The following CSTPP1 variants were observed in gnomAD, a reference collection of about 807,000 sequenced individuals.
The protein encoded by CSTPP1 is UPF0705 protein C11orf49.
chr11:47,131,340 A>G, the CSTPP1 span, among the ~76,000 whole-genome samples: 1 of 152,208 alleles, frequency 6.6e-6, no homozygotes, highest in Non-Finnish European at 1.5e-5. Flanking sequence ...GGTGGTCTGC[A>G]AGGAGGATGT....
At chr11:47,038,588 C>G in the CSTPP1 span, among the ~76,000 whole-genome samples, 6 of 106,604 alleles carry the variant, frequency 5.6e-5, no homozygotes, top group South Asian at 3.3e-4. Context: ...GGGGCTGATC[C>G]CCCCACCTCC....
the CSTPP1 span, among the ~76,000 whole-genome samples, chr11:46,966,045 T>G: frequency 6.6e-6 from 1 of 152,176 alleles, no homozygotes; most frequent in Non-Finnish European, 1.5e-5. Flanking sequence ...AAAAGTCTTT[T>G]TTTTGTTTGT....
At chr11:47,161,095 G>A in the CSTPP1 span, 1 of 1,613,876 alleles carries the variant, frequency 6.2e-7, no homozygotes, top group South Asian at 1.1e-5. Flanking sequence ...AGGGCCCTCA[G>A]ATTAACTACT....
chr11:47,141,579 C>T, the CSTPP1 span, among the ~76,000 whole-genome samples: 1 of 151,040 alleles, frequency 6.6e-6, no homozygotes, highest in Non-Finnish European at 1.5e-5. Flanking sequence ...TGCACTCCAG[C>T]CTGGGCAACT....
chr11:47,032,624 G>C, the CSTPP1 span, among the ~76,000 whole-genome samples: 1 of 151,756 alleles, frequency 6.6e-6, no homozygotes, highest in Non-Finnish European at 1.5e-5. Flanking sequence ...TTTTAATTTT[G>C]ATGTTTCTGG....
the CSTPP1 span, among the ~76,000 whole-genome samples, chr11:47,019,453 A>C: frequency 1.3e-5 from 2 of 152,166 alleles, no homozygotes; most frequent in Non-Finnish European, 2.9e-5. Flanking sequence ...TCTAGCTTTT[A>C]ATTTAAAGTA....
chr11:47,131,559 G>A, the CSTPP1 span, among the ~76,000 whole-genome samples: 1 of 152,218 alleles, frequency 6.6e-6, no homozygotes, highest in Admixed American at 6.5e-5. Flanking sequence ...ATAACCAACA[G>A]AAGAATATTT....
At chr11:47,015,824 A>G in the CSTPP1 span, among the ~76,000 whole-genome samples, 6 of 152,332 alleles carry the variant, frequency 3.9e-5, no homozygotes, top group African/African-American at 1.4e-4. Context: ...TTTCACATTT[A>G]AAAATCAATG....
the CSTPP1 span, chr11:47,155,016 T>A: frequency 3.0e-6 from 2 of 659,760 alleles, no homozygotes; most frequent in South Asian, 3.5e-5. Context: ...TTGGGAGCCC[T>A]CTCCTAAATG....
chr11:47,120,300 G>A, the CSTPP1 span, among the ~76,000 whole-genome samples: 223 of 152,276 alleles, frequency 1.5e-3, 2 homozygotes, highest in Non-Finnish European at 7.9e-4. This position sits in a 1 kb window ranked among gnomAD's most constrained non-coding sequence, Gnocchi z 4.2. Flanking sequence ...CCCTTGATAT[G>A]TATAAGCAAG....
At chr11:47,163,916 G>A in the CSTPP1 span, among the ~76,000 whole-genome samples, 1 of 152,142 alleles carries the variant, frequency 6.6e-6, no homozygotes, top group Admixed American at 6.6e-5. Flanking sequence ...AAAGTGCTGG[G>A]ATGACAGCCA....
At chr11:47,077,196 G>GTTTTTTTTTTTTTTTTTTTT in the CSTPP1 span, among the ~76,000 whole-genome samples, 2 of 135,522 alleles carry the variant, frequency 1.5e-5, no homozygotes, top group Non-Finnish European at 3.3e-5. Context: ...GGATAAAGTT[G>GTTTTTTTTTTTTTTTTTTTT]TTTTTTTTTT....
chr11:46,948,762 A>G, the CSTPP1 span, among the ~76,000 whole-genome samples: 1 of 152,212 alleles, frequency 6.6e-6, no homozygotes, highest in Non-Finnish European at 1.5e-5. Context: ...AAGTAGTCCA[A>G]TTTAGAGAAA....
At chr11:46,939,227 A>AT in the CSTPP1 span, among the ~76,000 whole-genome samples, 2 of 150,340 alleles carry the variant, frequency 1.3e-5, no homozygotes, top group African/African-American at 4.9e-5. Flanking sequence ...AGTACCTGGG[A>AT]TTACAGGCAT....
At chr11:47,077,908 G>A in the CSTPP1 span, among the ~76,000 whole-genome samples, 137 of 152,154 alleles carry the variant, frequency 9.0e-4, no homozygotes, top group African/African-American at 2.8e-3. Context: ...CCCACAAACC[G>A]AGAAAGAAAT....
chr11:47,110,071 C>T, the CSTPP1 span, among the ~76,000 whole-genome samples: 1 of 152,222 alleles, frequency 6.6e-6, no homozygotes, highest in East Asian at 1.9e-4. Context: ...GTCCCACCCT[C>T]AGTCACTGTG....
chr11:46,998,570 T>C, the CSTPP1 span, among the ~76,000 whole-genome samples: 2 of 151,880 alleles, frequency 1.3e-5, no homozygotes, highest in South Asian at 2.1e-4. Flanking sequence ...TGGGTTTTCT[T>C]TTTTTTTGAA....
the CSTPP1 span, among the ~76,000 whole-genome samples, chr11:47,080,801 G>A: frequency 6.6e-6 from 1 of 152,040 alleles, no homozygotes; most frequent in Admixed American, 6.6e-5. Flanking sequence ...TTGAGCCTAG[G>A]AGTTCGAGAC....
At chr11:46,959,990 C>T in the CSTPP1 span, among the ~76,000 whole-genome samples, 1 of 151,858 alleles carries the variant, frequency 6.6e-6, no homozygotes, top group Admixed American at 6.6e-5. Flanking sequence ...CCTTAGCTTC[C>T]CGAGTAGCTG....
Sources: allele counts gnomAD v4.1 joint callset (sites outside exome capture counted in the v4.1 genomes callset), GRCh38; gene constraint gnomAD v4.1.1; non-coding constraint Gnocchi (gnomAD v3.1); transcripts MANE v1.5; gene names NCBI Gene and HGNC (gene_info 2026-07-23, HGNC 2026-07-21).